FAR2: variants seen among roughly 807,000 people sequenced by gnomAD.
FAR2 encodes the protein fatty acyl-CoA reductase 2.
A neutral mutation model predicts 56.0 loss-of-function variants in FAR2; 19 were observed. That is an observed-to-expected ratio of 0.34 (90% confidence interval 0.24 to 0.50). The LOEUF (loss-of-function observed/expected upper bound fraction) is 0.50, where lower values mean the gene tolerates loss of function less well. Among genes scored for constraint, FAR2 ranks in the 20% least tolerant of loss-of-function variants. FAR2 has a pLI of 0.98. For missense variants in FAR2, 508 were observed against 642.2 expected (o/e 0.79, Z 2.26); for synonymous variants, 219 against 218.8 (o/e 1.00, Z -0.01).
intron 1 of FAR2, among the ~76,000 whole-genome samples, chr12:29,163,953 TG>T (rs778306351): frequency 6.6e-6 from 1 of 152,214 alleles, no homozygotes; most frequent in Non-Finnish European, 1.5e-5. Context: ...GCAGGTGAAA[TG>T]CAGATTGAAC....
chr12:29,187,599 G>T (rs1950055948), intron 1 of FAR2, among the ~76,000 whole-genome samples: 1 of 152,062 alleles, frequency 6.6e-6, no homozygotes, highest in Admixed American at 6.5e-5. Flanking sequence ...TCATAATTTA[G>T]CTGGGATTTG....
intron 8 of FAR2, among the ~76,000 whole-genome samples, chr12:29,314,469 TTATTC>T (rs1036996223): frequency 5.3e-5 from 8 of 149,830 alleles, no homozygotes; most frequent in African/African-American, 9.9e-5. Context: ...AGAATAATAA[TTATTC>T]TATTCCAGGG....
chr12:29,308,709 C>T (rs576245502), intron 5 of FAR2, among the ~76,000 whole-genome samples: 16,214 of 102,748 alleles, frequency 0.16, 1,237 homozygotes, highest in East Asian at 0.25. Context: ...CACACACACA[C>T]ACACACACAC....
intron 6 of FAR2, among the ~76,000 whole-genome samples, chr12:29,310,675 T>TC (rs1949332118): frequency 6.6e-6 from 1 of 152,216 alleles, no homozygotes; most frequent in Non-Finnish European, 1.5e-5. Context: ...ATGGGAAATT[T>TC]GTATAACCTT....
At chr12:29,231,035 T>G (rs566986893) in intron 1 of FAR2, among the ~76,000 whole-genome samples, 2 of 152,156 alleles carry the variant, frequency 1.3e-5, no homozygotes, top group African/African-American at 2.4e-5. Flanking sequence ...ACACTGGCCT[T>G]GGGGAGCACT....
chr12:29,251,326 C>A (rs1948207139), intron 1 of FAR2, among the ~76,000 whole-genome samples: 1 of 152,202 alleles, frequency 6.6e-6, no homozygotes, highest in Non-Finnish European at 1.5e-5. Flanking sequence ...TAAACTTAAT[C>A]TTTCTCCCAG....
At chr12:29,215,395 T>G (rs1947610497) in intron 1 of FAR2, among the ~76,000 whole-genome samples, 1 of 152,224 alleles carries the variant, frequency 6.6e-6, no homozygotes, top group African/African-American at 2.4e-5. Flanking sequence ...GAGCTTAAGC[T>G]GTATATTGAT....
At chr12:29,171,235 C>A in intron 1 of FAR2, 1 of 152,970 alleles carries the variant, frequency 6.5e-6, no homozygotes, top group South Asian at 1.9e-4. Flanking sequence ...CACCCTCAGT[C>A]CTGTTGTTGG....
At chr12:29,268,966 C>T (rs1244589352) in intron 1 of FAR2, among the ~76,000 whole-genome samples, 1 of 152,124 alleles carries the variant, frequency 6.6e-6, no homozygotes, top group African/African-American at 2.4e-5. Flanking sequence ...TATCACAAGG[C>T]AAGTGGAGGC....
intron 11 of FAR2, chr12:29,333,124 T>G: frequency 3.0e-6 from 1 of 331,590 alleles, no homozygotes; most frequent in South Asian, 2.6e-5. Flanking sequence ...CACTCCTCAA[T>G]TTTTTCAACT....
At chr12:29,315,471 T>C (rs1949431941) in intron 8 of FAR2, among the ~76,000 whole-genome samples, 1 of 152,168 alleles carries the variant, frequency 6.6e-6, no homozygotes, top group Non-Finnish European at 1.5e-5. Flanking sequence ...ATCTGTAATA[T>C]ATTCTGAGTT....
intron 1 of FAR2, among the ~76,000 whole-genome samples, chr12:29,244,524 G>A (rs1948093326): frequency 1.3e-5 from 2 of 152,200 alleles, no homozygotes; most frequent in Non-Finnish European, 2.9e-5. Context: ...CAGGATTTCA[G>A]AGAAAAGAGA....
chr12:29,242,095 A>G (rs922863464), intron 1 of FAR2, among the ~76,000 whole-genome samples: 9 of 152,126 alleles, frequency 5.9e-5, no homozygotes, highest in African/African-American at 1.9e-4. Flanking sequence ...GCCACTTTAC[A>G]CCGAAGGAGT....
At chr12:29,313,908 TTTGA>T (rs1318376542) in intron 8 of FAR2, among the ~76,000 whole-genome samples, 10 of 139,996 alleles carry the variant, frequency 7.1e-5, no homozygotes, top group Admixed American at 5.4e-4. Context: ...TCCTGTTTTC[TTTGA>T]TTATTTCTTT....
rs372553235 is a variant in FAR2, at chr12:29,270,648, A to G, written c.189+10A>G. The G allele has an allele frequency of 1.6e-5, 25 of 1,598,896 alleles. No individual in the cohort carries two copies. The East Asian group carries it at 1.6e-4, about 10-fold the overall frequency. On this transcript the variant is annotated intron_variant, in intron 2 of 11. Coordinates refer to ENST00000536681, the MANE Select transcript of FAR2 (RefSeq NM_001271783.2). ...GATCCTAGACAGTAAGGTATGCCTT[A>G]TAGGAAAGCGTGTGTGATGGGCAAT... is the stretch of plus-strand genomic sequence containing the variant.
chr12:29,333,781 C>G lies in FAR2; in HGVS notation c.1535C>G (p.Thr512Arg), dbSNP rs775428447. 3 of 1,613,500 alleles carry G rather than the reference C, an allele frequency of 1.9e-6. No individual in the cohort carries two copies. The South Asian group carries it at 3.3e-5, about 18-fold the overall frequency. Residue 512 changes from threonine (T) to arginine (R), a missense_variant, in exon 12 of 12, where the codon ACG (threonine) becomes AGG (arginine). By Grantham distance (71) the Thr-to-Arg change is moderately conservative. Transcript: ENST00000536681. ...KFLSYFRASS[T>R]LKV ...CTCTCCTACTTTAGAGCATCCAGCA[C>G]GCTCAAAGTTTAAGAGCATTTAGCC... is the stretch of plus-strand genomic sequence containing the variant.
intron 10 of FAR2, among the ~76,000 whole-genome samples, chr12:29,326,206 A>C (rs1324330852): frequency 2.0e-5 from 3 of 152,256 alleles, no homozygotes; most frequent in Admixed American, 6.5e-5. Flanking sequence ...AACCAGGAAG[A>C]AGCTGAATCT....
intron 1 of FAR2, among the ~76,000 whole-genome samples, chr12:29,176,480 GAGAC>G (rs1209071150): frequency 2.6e-5 from 4 of 152,144 alleles, no homozygotes; most frequent in Non-Finnish European, 5.9e-5. Flanking sequence ...ACTGGGAAAA[GAGAC>G]AGCTCTTTCA....
intron 1 of FAR2, among the ~76,000 whole-genome samples, chr12:29,235,774 TGATGGGAGCAAATGA>T (rs916078217): frequency 6.6e-6 from 1 of 152,038 alleles, no homozygotes; most frequent in Admixed American, 6.6e-5. Flanking sequence ...AGGTAGTGAG[TGATGGGAGCAAATGA>T]GATAAGAGTT....
Sources: allele counts gnomAD v4.1 joint callset (sites outside exome capture counted in the v4.1 genomes callset), GRCh38; gene constraint gnomAD v4.1.1; transcripts MANE v1.5; gene names NCBI Gene and HGNC (gene_info 2026-07-23, HGNC 2026-07-21).